ANKRD36C: variants seen among roughly 807,000 people sequenced by gnomAD.
The protein encoded by ANKRD36C is ankyrin repeat domain 36C.
A neutral mutation model predicts 276.4 loss-of-function variants in ANKRD36C; 61 were observed. The observed-to-expected ratio is 0.22, with a 90% confidence interval of 0.18 to 0.27. The LOEUF is 0.27. ANKRD36C is among the 10% of genes least tolerant of loss of function. The probability of loss-of-function intolerance (pLI) is 1.00; values close to 1 mark genes in which losing one functional copy is unlikely to be tolerated. For missense variants in ANKRD36C, 1,447 were observed against 2,032.3 expected (o/e 0.71, Z 5.54); for synonymous variants, 483 against 680.1 (o/e 0.71, Z 4.51).
At position 95,914,198 on chromosome 2, in the gene ANKRD36C, T is replaced by A; in HGVS notation, c.2479-18A>T. The stretch of plus-strand genomic sequence containing the variant: ...CTTGTAGCCTGAATGGAATTTGAAA[T>A]GAAATAATAAGTTAATAAAGTATGT... On this transcript the variant is annotated intron_variant, in intron 39 of 66. Coordinates refer to ENST00000456556, the Ensembl canonical transcript of ANKRD36C. 1 of 1,577,344 alleles carries A rather than the reference T, an allele frequency of 6.3e-7. No homozygotes were observed. Among genetic ancestry groups the A allele is most frequent in the Non-Finnish European group, 8.6e-7 (1 of 1,159,392 alleles).
At chr2:95,979,120 CA>C (rs1678867713) in intron 5 of ANKRD36C, among the ~76,000 whole-genome samples, 1 of 152,040 alleles carries the variant, frequency 6.6e-6, no homozygotes, top group Non-Finnish European at 1.5e-5. Flanking sequence ...AATATTTACA[CA>C]ACACCCCATG....
chr2:95,852,427 C>A, intron 64 of ANKRD36C: 1 of 485,314 alleles, frequency 2.1e-6, no homozygotes, highest in Non-Finnish European at 3.7e-6. Context: ...TACTTTTGTG[C>A]TGTAACTGCA....
At chr2:95,864,771 A>G (rs1376976546) in intron 60 of ANKRD36C, among the ~76,000 whole-genome samples, 1 of 152,024 alleles carries the variant, frequency 6.6e-6, no homozygotes, top group Non-Finnish European at 1.5e-5. Context: ...AGAGTTTATC[A>G]GCTGCAAAAG....
chr2:95,878,838 A>G (rs1305517371), intron 58 of ANKRD36C, among the ~76,000 whole-genome samples: 2 of 152,172 alleles, frequency 1.3e-5, no homozygotes, highest in Admixed American at 6.5e-5. Flanking sequence ...TGGAGAAAGC[A>G]GAACCCTCGT....
intron 22 of ANKRD36C, among the ~76,000 whole-genome samples, chr2:95,936,675 C>G (rs372016419): frequency 7.1e-6 from 1 of 141,794 alleles, no homozygotes; most frequent in African/African-American, 2.7e-5. Flanking sequence ...TCTTTATTTA[C>G]ACCATCCCAC....
intron 63 of ANKRD36C, 102 bp downstream of exon 83, chr2:95,855,164 C>A: frequency 7.0e-7 from 1 of 1,425,554 alleles, no homozygotes; most frequent in Non-Finnish European, 9.3e-7. Flanking sequence ...CATATGTATC[C>A]TTTTTTATAT....
intron 54 of ANKRD36C, among the ~76,000 whole-genome samples, chr2:95,883,059 C>T (rs1227927190): frequency 6.6e-6 from 1 of 152,002 alleles, no homozygotes; most frequent in Non-Finnish European, 1.5e-5. Flanking sequence ...ATCCTGTATA[C>T]AATATTCTTC....
intron 34 of ANKRD36C, 49 bp downstream of exon 34, chr2:95,921,558 C>CT: frequency 6.4e-7 from 1 of 1,570,722 alleles, no homozygotes; most frequent in African/African-American, 1.4e-5. Context: ...TAGAGAAGTT[C>CT]TTTTCTATCT....
intron 44 of ANKRD36C, among the ~76,000 whole-genome samples, chr2:95,896,798 T>A (rs899216679): frequency 6.7e-5 from 10 of 149,818 alleles, no homozygotes; most frequent in Non-Finnish European, 3.0e-5. Flanking sequence ...TTTTCACACC[T>A]TCCTGCCTCA....
intron 42 of ANKRD36C, among the ~76,000 whole-genome samples, chr2:95,903,931 A>T (rs1676730026): frequency 4.0e-5 from 3 of 74,876 alleles, no homozygotes; most frequent in African/African-American, 5.2e-5. Flanking sequence ...TTTCTAAAAT[A>T]GCCTTGTTGG....
exon 5 of ANKRD36C, chr2:95,980,701 T>G: frequency 6.2e-7 from 1 of 1,612,700 alleles, no homozygotes; most frequent in Middle Eastern, 1.7e-4. Context: ...CATACACATC[T>G]CGAGAAAACA....
intron 12 of ANKRD36C, among the ~76,000 whole-genome samples, chr2:95,957,668 G>C (rs1249261552): frequency 2.0e-5 from 3 of 151,628 alleles, no homozygotes; most frequent in Non-Finnish European, 2.9e-5. Context: ...ATCTGAATAA[G>C]GTTGTCCATT....
intron 38 of ANKRD36C, among the ~76,000 whole-genome samples, chr2:95,914,741 G>T (rs922920748): frequency 4.6e-5 from 7 of 151,334 alleles, no homozygotes; most frequent in African/African-American, 1.7e-4. Flanking sequence ...TCTTTAACTT[G>T]CCCAAAAACT....
At chr2:95,976,366 C>A (rs1263766910) in intron 6 of ANKRD36C, among the ~76,000 whole-genome samples, 1 of 152,234 alleles carries the variant, frequency 6.6e-6, no homozygotes, top group Non-Finnish European at 1.5e-5. Context: ...TTGAAACTCT[C>A]GAAATGCGGC....
chr2:95,985,715 C>A (rs896234919), intron 3 of ANKRD36C, among the ~76,000 whole-genome samples: 1 of 152,198 alleles, frequency 6.6e-6, no homozygotes, highest in East Asian at 1.9e-4. Flanking sequence ...ACTCACATGG[C>A]AAATTCCCTT....
At chr2:95,983,287 TTCTCTAGTAATATTTTTATC>T (rs1042989268) in intron 3 of ANKRD36C, among the ~76,000 whole-genome samples, 2 of 151,812 alleles carry the variant, frequency 1.3e-5, no homozygotes, top group Non-Finnish European at 2.9e-5. Flanking sequence ...TCCATGGGTT[TTCTCTAGTAATATTTTTATC>T]TTAGCTGTCA....
intron 32 of ANKRD36C, among the ~76,000 whole-genome samples, chr2:95,922,225 A>G (rs985662824): frequency 6.6e-6 from 1 of 151,578 alleles, no homozygotes; most frequent in African/African-American, 2.4e-5. Context: ...GCAAACATTC[A>G]TCATGTTCAT....
chr2:95,893,226 C>G (rs532864944), intron 44 of ANKRD36C, among the ~76,000 whole-genome samples: 2 of 151,270 alleles, frequency 1.3e-5, no homozygotes, highest in African/African-American at 4.8e-5. Context: ...CTCCTTCCAC[C>G]CTTACTGAAA....
At chr2:95,871,474 T>G (rs1216070334) in intron 59 of ANKRD36C, among the ~76,000 whole-genome samples, 24 of 151,164 alleles carry the variant, frequency 1.6e-4, no homozygotes, top group Admixed American at 3.9e-4. Flanking sequence ...GATGAGAGAT[T>G]TTGTCACCAC....
Sources: allele counts gnomAD v4.1 joint callset (sites outside exome capture counted in the v4.1 genomes callset), GRCh38; gene constraint gnomAD v4.1.1; transcripts MANE v1.5; gene names NCBI Gene and HGNC (gene_info 2026-07-23, HGNC 2026-07-21).